PAK3: variants seen among roughly 807,000 people sequenced by gnomAD.
The protein encoded by PAK3 is serine/threonine-protein kinase PAK 3.
PAK3 carries 4 observed loss-of-function variants against 41.0 expected under a neutral mutation model. The observed-to-expected ratio is 0.10, with a 90% CI of 0.05 to 0.22. The LOEUF (loss-of-function observed/expected upper bound fraction) is 0.22, where lower values mean the gene tolerates loss of function less well. PAK3 is among the 10% of genes least tolerant of loss of function. The pLI is 1.00. For synonymous variants in PAK3, 146 were observed against 139.6 expected (o/e 1.05, Z -0.32); for missense variants, 205 against 409.9 (o/e 0.50, Z 4.32).
chrX:110,996,517 A>G (rs771695428), intron 1 of PAK3, among the ~76,000 whole-genome samples: 6 of 112,075 alleles, frequency 5.4e-5, no homozygotes, highest in Non-Finnish European at 1.1e-4. Context: ...CCAATATGAT[A>G]GTATCTGAAG....
At position 110,978,680 on chromosome X, in the gene PAK3, TTTTC is replaced by T. The variant is rs371147562; in HGVS notation, c.-28+34066_-28+34069del. Among the ~76,000 whole-genome samples, 215 of 109,760 alleles carry T rather than the reference TTTTC, an allele frequency of 2.0e-3. 1 individual carries two copies. Among genetic ancestry groups the T allele is most frequent in the African/African-American group, 6.8e-3 (202 of 29,630 alleles). ...TTTCTTTCTTCCTTTCTTCTTTCTT[TTTTC>T]TTTCTTTCTTTCTCTCTGTCTCTTT... is the stretch of plus-strand genomic sequence containing the variant. On this transcript the variant is annotated intron_variant, in intron 1 of 14. Transcript: ENST00000425146.
At chrX:111,181,477 TC>T (rs970402029) in intron 11 of PAK3, among the ~76,000 whole-genome samples, 6 of 110,483 alleles carry the variant, frequency 5.4e-5, no homozygotes, top group Non-Finnish European at 1.1e-4. Flanking sequence ...AAGCCCTCAG[TC>T]CCCCCCGTCT....
At chrX:110,983,759 G>A (rs1009076090) in intron 1 of PAK3, among the ~76,000 whole-genome samples, 2 of 111,268 alleles carry the variant, frequency 1.8e-5, no homozygotes, top group African/African-American at 6.6e-5. Context: ...TGCCACCATA[G>A]GTGGGCAGCT....
chrX:111,209,405 T>TA (rs1451889153), intron 16 of PAK3, among the ~76,000 whole-genome samples: 3 of 112,410 alleles, frequency 2.7e-5, no homozygotes, highest in African/African-American at 9.7e-5. Context: ...AAGCTAATAG[T>TA]ATCATTCAGT....
intron 3 of PAK3, among the ~76,000 whole-genome samples, chrX:111,100,373 G>A (rs1021649205): frequency 3.6e-5 from 4 of 111,220 alleles, no homozygotes; most frequent in Admixed American, 1.9e-4. Context: ...GTGCCCTCTA[G>A]TGACCTTAAT....
chrX:111,204,885 T>G (rs1486092721), intron 16 of PAK3, among the ~76,000 whole-genome samples: 4 of 102,348 alleles, frequency 3.9e-5, no homozygotes, highest in African/African-American at 1.5e-4. Context: ...TTTGTTTTTT[T>G]TTTTTTTTTT....
chrX:111,178,922 A>AT, intron 11 of PAK3, among the ~76,000 whole-genome samples: 1 of 107,340 alleles, frequency 9.3e-6, no homozygotes. Flanking sequence ...AGATAATTTT[A>AT]AAAAGTTTTT....
chrX:111,001,857 G>A lies in PAK3; in HGVS notation c.-28+57229G>A, dbSNP rs371283936. ...GCAGATATCCACATGGGAGGAGCCAGCCTAATTCATGGGAGGCTTGGTGAC... is the reference window on the plus strand; with the variant it reads ...GCAGATATCCACATGGGAGGAGCCAACCTAATTCATGGGAGGCTTGGTGAC... On this transcript the variant is annotated intron_variant, in intron 1 of 14. Transcript: ENST00000425146. Among the ~76,000 whole-genome samples, 10 of 110,460 alleles carry A rather than the reference G, an allele frequency of 9.1e-5. No homozygotes were observed. In the East Asian group the frequency reaches 1.7e-3, roughly 19 times the overall value.
chrX:111,146,581 A>G, intron 6 of PAK3: 2 of 1,057,422 alleles, frequency 1.9e-6, no homozygotes, highest in Non-Finnish European at 2.6e-6. Flanking sequence ...TCACAGGCCC[A>G]AAAGAAGCTT....
intron 1 of PAK3, among the ~76,000 whole-genome samples, chrX:110,983,671 A>G (rs775864636): frequency 1.8e-5 from 2 of 111,173 alleles, no homozygotes; most frequent in Non-Finnish European, 3.8e-5. Context: ...GGGATTACCA[A>G]TTTTCCAGAG....
chrX:111,220,969 A>G lies in PAK3; in HGVS notation c.*522A>G, dbSNP rs1436595476. ...GCAAAAAAAAAAAAAAAAACAAACA[A>G]AAACAAAAACAAAACAAAAACAAGC... On this transcript the variant is annotated 3_prime_UTR_variant, in exon 18 of 18. Coordinates refer to ENST00000372007, the MANE Select transcript of PAK3 (RefSeq NM_002578.5). The G allele has an allele frequency of 8.9e-6, 1 of 112,604 alleles. No homozygotes were observed. Among genetic ancestry groups the G allele is most frequent in the Middle Eastern group, 4.6e-3 (1 of 218 alleles). 9.3% of individuals were successfully genotyped at this position (112,604 alleles called of 1,213,427 possible). A position where few individuals can be genotyped will look rare whatever the true frequency, so the allele number is the denominator to read the frequency against.
intron 1 of PAK3, among the ~76,000 whole-genome samples, chrX:110,949,102 A>G (rs2090686105): frequency 8.9e-6 from 1 of 112,153 alleles, no homozygotes; most frequent in South Asian, 3.8e-4. Flanking sequence ...GCTGCCTCCC[A>G]GTGTTCTTCT....
intron 16 of PAK3, among the ~76,000 whole-genome samples, chrX:111,204,664 T>C (rs964259306): frequency 3.6e-5 from 4 of 111,238 alleles, no homozygotes; most frequent in African/African-American, 1.3e-4. Flanking sequence ...AACATCATTG[T>C]AGAAAACCCT....
intron 10 of PAK3, among the ~76,000 whole-genome samples, chrX:111,166,395 G>A (rs2094255798): frequency 9.0e-6 from 1 of 111,319 alleles, no homozygotes; most frequent in Admixed American, 9.6e-5. Context: ...CCTTGACCTC[G>A]TGGGCTCAAA....
chrX:111,205,996 G>A (rs766505006), intron 16 of PAK3, among the ~76,000 whole-genome samples: 1 of 111,341 alleles, frequency 9.0e-6, no homozygotes, highest in East Asian at 2.8e-4. Context: ...TGGGAGGTGA[G>A]GAAGTTGATA....
At chrX:111,001,947 T>C (rs1208513120) in intron 1 of PAK3, among the ~76,000 whole-genome samples, 1 of 110,392 alleles carries the variant, frequency 9.1e-6, no homozygotes, top group East Asian at 2.8e-4. Context: ...AAAAAAAAGA[T>C]TGTATGAGAG....
chrX:110,951,916 C>T (rs760965030), intron 1 of PAK3, among the ~76,000 whole-genome samples: 1 of 112,346 alleles, frequency 8.9e-6, no homozygotes, highest in East Asian at 2.8e-4. Flanking sequence ...TCTACTGCTG[C>T]ATCTTCACTG....
chrX:111,170,428 A>C (rs1053828728), intron 10 of PAK3, among the ~76,000 whole-genome samples: 5 of 111,204 alleles, frequency 4.5e-5, no homozygotes, highest in African/African-American at 1.6e-4. Context: ...ATTTTTCTCA[A>C]GGTATACTAT....
intron 11 of PAK3, among the ~76,000 whole-genome samples, chrX:111,174,270 A>C (rs1352061256): frequency 9.0e-6 from 1 of 111,000 alleles, no homozygotes; most frequent in Non-Finnish European, 1.9e-5. Context: ...AGTATATCTC[A>C]GGAAATAAGG....
Sources: gnomAD v4.1 joint callset for allele counts (sites outside exome capture counted in the v4.1 genomes callset) on GRCh38, gnomAD v4.1.1 for gene constraint, MANE v1.5 for transcripts, NCBI Gene and HGNC (gene_info 2026-07-23, HGNC 2026-07-21) for gene names.